Variants in SYN3 observed in about 807,000 individuals in gnomAD.
The protein encoded by SYN3 is synapsin-3.
Under a neutral mutation model 65.8 loss-of-function variants are expected in SYN3, and 35 were observed. The ratio of observed to expected loss-of-function variants is 0.53; its 90% CI spans 0.41 to 0.70. The LOEUF is 0.70. Ranked by LOEUF, SYN3 falls within the 30% of genes least tolerant of loss-of-function variation. SYN3 has a pLI of 0.00. For missense variants in SYN3, 680 were observed against 749.0 expected (o/e 0.91, Z 1.08); for synonymous variants, 270 against 292.9 (o/e 0.92, Z 0.80).
chr22:32,984,212 GAGTCCC>G (rs1261934953), intron 2 of SYN3, among the ~76,000 whole-genome samples: 1 of 19,524 alleles, frequency 5.1e-5, no homozygotes, highest in African/African-American at 2.8e-4. Flanking sequence ...AAGAAAAAAA[GAGTCCC>G]AAAGAGTCTG....
chr22:32,532,978 G>A (rs373011318), intron 10 of SYN3, among the ~76,000 whole-genome samples: 1 of 151,788 alleles, frequency 6.6e-6, no homozygotes, highest in Admixed American at 6.6e-5. Context: ...GACATGGAGT[G>A]GGGGGGCAGG....
intron 2 of SYN3, among the ~76,000 whole-genome samples, chr22:32,983,158 G>A (rs1240975981): frequency 6.6e-6 from 1 of 152,050 alleles, no homozygotes; most frequent in Non-Finnish European, 1.5e-5. Context: ...AACCTTCTCT[G>A]GGACGGAGAC....
chr22:32,601,505 C>T (rs1265653688), intron 6 of SYN3, among the ~76,000 whole-genome samples: 3 of 152,238 alleles, frequency 2.0e-5, no homozygotes, highest in Non-Finnish European at 4.4e-5. Context: ...TCTGGATCTC[C>T]TGACCTCGTG....
intron 4 of SYN3, among the ~76,000 whole-genome samples, chr22:32,920,063 AG>A (rs2050296520): frequency 6.6e-6 from 1 of 152,144 alleles, no homozygotes; most frequent in African/African-American, 2.4e-5. Flanking sequence ...CCTTTCGTCA[AG>A]GTCTTGCATT....
chr22:32,649,659 C>G (rs976928539), intron 6 of SYN3, among the ~76,000 whole-genome samples: 3 of 152,150 alleles, frequency 2.0e-5, no homozygotes, highest in Non-Finnish European at 4.4e-5. Flanking sequence ...CTGGTCCCAT[C>G]TAGAGTCATC....
chr22:33,026,773 C>T (rs1228447772), intron 1 of SYN3, among the ~76,000 whole-genome samples: 1 of 152,112 alleles, frequency 6.6e-6, no homozygotes, highest in Non-Finnish European at 1.5e-5. Flanking sequence ...CTAGCCATTT[C>T]CAGAATCAGA....
chr22:33,002,545 G>A (rs2053089042), intron 2 of SYN3, among the ~76,000 whole-genome samples: 1 of 152,128 alleles, frequency 6.6e-6, no homozygotes, highest in Admixed American at 6.5e-5. Flanking sequence ...TTGGGAGGCT[G>A]AGGCAAAAGA....
intron 7 of SYN3, among the ~76,000 whole-genome samples, chr22:32,573,358 G>T (rs894302677): frequency 1.3e-5 from 2 of 152,134 alleles, no homozygotes; most frequent in Admixed American, 6.5e-5. Flanking sequence ...TCAGAATAAG[G>T]CCTCTCCTTC....
chr22:32,675,781 A>G (rs2060431995), intron 6 of SYN3, among the ~76,000 whole-genome samples: 1 of 151,684 alleles, frequency 6.6e-6, no homozygotes, highest in African/African-American at 2.4e-5. Context: ...AACTTGATGA[A>G]AGTCTCCCTG....
intron 6 of SYN3, among the ~76,000 whole-genome samples, chr22:32,621,153 G>C (rs773730983): frequency 1.5e-4 from 23 of 152,250 alleles, no homozygotes; most frequent in Middle Eastern, 3.4e-3. Flanking sequence ...TGCTCCCTTG[G>C]GCTCACCAGG....
chr22:32,671,263 C>G (rs370965668), intron 6 of SYN3, among the ~76,000 whole-genome samples: 200 of 152,116 alleles, frequency 1.3e-3, no homozygotes, highest in African/African-American at 4.5e-3. Flanking sequence ...GACATGCACT[C>G]TTACACACTT....
intron 6 of SYN3, among the ~76,000 whole-genome samples, chr22:32,814,221 A>G (rs1225676210): frequency 1.4e-5 from 2 of 142,488 alleles, no homozygotes; most frequent in Non-Finnish European, 3.0e-5. Flanking sequence ...AAAGAAAGGA[A>G]AGAAAGAAAA....
At chr22:32,861,209 A>G (rs1198646837) in intron 6 of SYN3, 4 of 151,526 alleles carry the variant, frequency 2.6e-5, no homozygotes, top group Non-Finnish European at 4.4e-5. Context: ...AACACACTGT[A>G]GAGTCTTGCA....
At chr22:32,653,271 A>C (rs1280738783) in intron 6 of SYN3, among the ~76,000 whole-genome samples, 1 of 152,140 alleles carries the variant, frequency 6.6e-6, no homozygotes, top group Admixed American at 6.5e-5. Context: ...AAAAGAAAAA[A>C]AAAAAAAGGT....
chr22:32,666,553 G>A (rs886697404), intron 6 of SYN3, among the ~76,000 whole-genome samples: 35 of 152,072 alleles, frequency 2.3e-4, no homozygotes, highest in Non-Finnish European at 4.6e-4. Context: ...AATCTGGAAG[G>A]CTCCTTCCTT....
intron 6 of SYN3, among the ~76,000 whole-genome samples, chr22:32,831,363 A>T (rs2047568592): frequency 6.6e-6 from 1 of 152,208 alleles, no homozygotes; most frequent in Non-Finnish European, 1.5e-5. Flanking sequence ...GTTAACTCAG[A>T]GCATTAGAGT....
At chr22:32,955,717 TG>T (rs1418186622) in intron 3 of SYN3, among the ~76,000 whole-genome samples, 1 of 152,096 alleles carries the variant, frequency 6.6e-6, no homozygotes, top group Non-Finnish European at 1.5e-5. Context: ...TTATTGATCC[TG>T]GGTGTGTCTG....
At chr22:32,614,067 G>A (rs2059482334) in intron 6 of SYN3, among the ~76,000 whole-genome samples, 1 of 152,198 alleles carries the variant, frequency 6.6e-6, no homozygotes. Context: ...GCTCCACAGA[G>A]GTTGTCTCAG....
chr22:32,701,825 G>A (rs1339783485), intron 6 of SYN3, among the ~76,000 whole-genome samples: 1 of 152,008 alleles, frequency 6.6e-6, no homozygotes, highest in Non-Finnish European at 1.5e-5. Context: ...AATCCCAGAA[G>A]AAGAGAGGGG....
Sources: allele counts gnomAD v4.1 joint callset (sites outside exome capture counted in the v4.1 genomes callset), GRCh38; gene constraint gnomAD v4.1.1; transcripts MANE v1.5; gene names NCBI Gene and HGNC (gene_info 2026-07-23, HGNC 2026-07-21).